The following IL17B variants were observed in gnomAD, a reference collection of about 807,000 sequenced individuals.
IL17B encodes interleukin-17B.
In IL17B, 14 loss-of-function variants were observed where a neutral mutation model predicts 14.7. That is an observed-to-expected ratio of 0.95 (90% CI 0.63 to 1.49). The LOEUF (loss-of-function observed/expected upper bound fraction) is 1.49. Ranked by LOEUF, IL17B falls within the 40% of genes most tolerant of loss-of-function variation. The pLI is 0.00. For missense variants in IL17B, 233 were observed against 252.8 expected (o/e 0.92, Z 0.53); for synonymous variants, 105 against 94.8 (o/e 1.11, Z -0.62).
At chr5:149,393,373 C>A (rs1302882620) in intron 1 of IL17B, among the ~76,000 whole-genome samples, 1 of 152,176 alleles carries the variant, frequency 6.6e-6, no homozygotes, top group Non-Finnish European at 1.5e-5. Context: ...TAGCAATTGG[C>A]TCTTTACCTA....
chr5:149,397,663 C>T (rs964390448), intron 1 of IL17B, among the ~76,000 whole-genome samples: 2 of 152,108 alleles, frequency 1.3e-5, no homozygotes, highest in African/African-American at 2.4e-5. Flanking sequence ...CCGTTGGATG[C>T]GCATGTAGAT....
At chr5:149,380,788 C>T (rs538001580), upstream of IL17B, among the ~76,000 whole-genome samples, 3 of 152,292 alleles carry the variant, frequency 2.0e-5, no homozygotes, top group South Asian at 4.1e-4. Context: ...GGGTGAGAGG[C>T]GCTCCTGAAT....
upstream of IL17B, among the ~76,000 whole-genome samples, chr5:149,382,129 C>T (rs1581388095): frequency 6.6e-6 from 1 of 152,182 alleles, no homozygotes; most frequent in East Asian, 1.9e-4. Context: ...CACTCTGCCA[C>T]CTCTTTCTCC....
upstream of IL17B, among the ~76,000 whole-genome samples, chr5:149,383,894 C>T (rs935022138): frequency 1.5e-4 from 23 of 152,184 alleles, no homozygotes; most frequent in African/African-American, 5.3e-4. Flanking sequence ...GACTGGGTCG[C>T]CTAGGCCTCT....
upstream of IL17B, among the ~76,000 whole-genome samples, chr5:149,383,136 C>T (rs1260237252): frequency 6.6e-6 from 1 of 152,242 alleles, no homozygotes; most frequent in Non-Finnish European, 1.5e-5. Context: ...AATAACTTGG[C>T]TCTCAGTGGA....
At chr5:149,380,390 AGTT>A (rs1010327846), upstream of IL17B, among the ~76,000 whole-genome samples, 231 of 152,304 alleles carry the variant, frequency 1.5e-3, no homozygotes, top group African/African-American at 5.3e-3. Context: ...TATAAACATT[AGTT>A]GTTCTAATTA....
chr5:149,374,436 C>CGGGGCGGTGGCGGGCA lies in IL17B; in HGVS notation c.460_475dup (p.Arg159LeufsTer58), dbSNP rs757977589. Reference sequence around the variant, plus strand: ...TGCGCGCTGGCGGCAAGGCCCTGTGCGGGGCGGTGGCGGGCAGAGGCGGCG... The same window carrying CGGGGCGGTGGCGGGCA: ...TGCGCGCTGGCGGCAAGGCCCTGTGCGGGGCGGTGGCGGGCAGGGGCGGTGGCGGGCAGAGGCGGCG... On this transcript the variant is annotated frameshift_variant, in exon 3 of 3. Coordinates refer to ENST00000261796, the MANE Select transcript of IL17B (RefSeq NM_014443.3). LOFTEE classifies it high-confidence loss of function. The surrounding 1 kb of genome is among the most constrained non-coding windows in gnomAD (Gnocchi z 5.0). The CGGGGCGGTGGCGGGCA allele has an allele frequency of 1.2e-6, 2 of 1,609,026 alleles. No homozygotes were observed. Among genetic ancestry groups the CGGGGCGGTGGCGGGCA allele is most frequent in the South Asian group, 1.1e-5 (1 of 90,974 alleles).
intron 1 of IL17B, among the ~76,000 whole-genome samples, chr5:149,389,201 T>G (rs1276034736): frequency 6.6e-6 from 1 of 152,280 alleles, no homozygotes; most frequent in African/African-American, 2.4e-5. Context: ...AATGTCATAT[T>G]ATTTTTGATG....
At chr5:149,385,909 G>A (rs1581390667) in intron 1 of IL17B, among the ~76,000 whole-genome samples, 1 of 152,222 alleles carries the variant, frequency 6.6e-6, no homozygotes, top group Admixed American at 6.5e-5. Context: ...CTGTGGGGAC[G>A]TGAGAAGAAA....
chr5:149,396,501 A>G (rs887429266), intron 1 of IL17B, among the ~76,000 whole-genome samples: 1 of 152,188 alleles, frequency 6.6e-6, no homozygotes, highest in Non-Finnish European at 1.5e-5. Context: ...TGGCTCTGTC[A>G]TTTCAGCACT....
intron 1 of IL17B, among the ~76,000 whole-genome samples, chr5:149,403,002 CAAAAAAAAAAA>C (rs36121550): frequency 8.6e-4 from 52 of 60,586 alleles, no homozygotes; most frequent in Middle Eastern, 0.012. Flanking sequence ...GACTCCATCT[CAAAAAAAAAAA>C]AAAAAAAAAA....
chr5:149,386,736 C>G (rs1581391042), intron 1 of IL17B, among the ~76,000 whole-genome samples: 1 of 152,286 alleles, frequency 6.6e-6, no homozygotes, highest in East Asian at 1.9e-4. Context: ...TAAAATAGTT[C>G]TTGTGTCACC....
upstream of IL17B, among the ~76,000 whole-genome samples, chr5:149,382,187 G>T (rs1758715806): frequency 6.6e-6 from 1 of 152,200 alleles, no homozygotes; most frequent in African/African-American, 2.4e-5. Flanking sequence ...AGTGGGTGGG[G>T]CCCTGCGCCT....
upstream of IL17B, among the ~76,000 whole-genome samples, chr5:149,382,307 C>T (rs1758719608): frequency 6.6e-6 from 1 of 152,118 alleles, no homozygotes; most frequent in Admixed American, 6.5e-5. Flanking sequence ...TTCCAGGTGT[C>T]GGGGTCACCG....
At position 149,379,207 on chromosome 5, in the gene IL17B, G is replaced by T. The variant is rs773686284; in HGVS notation, c.19C>A (p.Leu7Met). 2.8e-5 allele frequency: 45 copies of T among 1,613,972 alleles called. No homozygotes were observed. Among genetic ancestry groups the T allele is most frequent in the Non-Finnish European group, 3.6e-5 (43 of 1,180,010 alleles). Residue 7 changes from leucine (L) to methionine (M), a missense_variant and splice_region_variant, in exon 1 of 3, where the codon CTG becomes ATG. By Grantham distance (15) the Leu-to-Met change is conservative (BLOSUM62 2). Coordinates refer to ENST00000261796, the MANE Select transcript of IL17B (RefSeq NM_014443.3). MDWPHN[L>M]LFLLTISIFL... ...TGCGGCAGGGAAGCGCCACGTACCAGGTTGTGAGGCCAGTCCATTCCGCCA... is the reference window on the plus strand; with the variant it reads ...TGCGGCAGGGAAGCGCCACGTACCATGTTGTGAGGCCAGTCCATTCCGCCA...
At chr5:149,389,487 G>A (rs962901818) in intron 1 of IL17B, among the ~76,000 whole-genome samples, 1 of 152,370 alleles carries the variant, frequency 6.6e-6, no homozygotes, top group Non-Finnish European at 1.5e-5. Context: ...CAGAAGTCCA[G>A]AGAGGAAAAG....
At chr5:149,396,899 G>A (rs1759103700) in intron 1 of IL17B, among the ~76,000 whole-genome samples, 1 of 152,232 alleles carries the variant, frequency 6.6e-6, no homozygotes, top group African/African-American at 2.4e-5. Flanking sequence ...CTCATTCTCT[G>A]ACGAAGGGCG....
chr5:149,394,100 A>T (rs1188634476), intron 1 of IL17B, among the ~76,000 whole-genome samples: 1 of 152,366 alleles, frequency 6.6e-6, no homozygotes, highest in Non-Finnish European at 1.5e-5. Context: ...CACTTGCCAC[A>T]GTAAGATAGG....
At chr5:149,393,990 GA>G (rs550107669) in intron 1 of IL17B, among the ~76,000 whole-genome samples, 1 of 152,068 alleles carries the variant, frequency 6.6e-6, no homozygotes, top group East Asian at 1.9e-4. Context: ...ATAGAATTCT[GA>G]AAAAATCATT....
Sources: allele counts gnomAD v4.1 joint callset (sites outside exome capture counted in the v4.1 genomes callset), GRCh38; gene constraint gnomAD v4.1.1; non-coding constraint Gnocchi (gnomAD v3.1); transcripts MANE v1.5; gene names NCBI Gene and HGNC (gene_info 2026-07-23, HGNC 2026-07-21).